DNAJC1: variants seen among roughly 807,000 people sequenced by gnomAD.
DNAJC1 encodes the protein DnaJ heat shock protein family (Hsp40) member C1.
In DNAJC1, 58 loss-of-function variants were observed where a neutral mutation model predicts 76.6. The ratio of observed to expected loss-of-function variants is 0.76; its 90% CI spans 0.61 to 0.94. The LOEUF is 0.94. Among genes scored for constraint, DNAJC1 ranks in the 40% least tolerant of loss-of-function variants. The probability of loss-of-function intolerance (pLI) is 0.00; values close to 1 mark genes in which losing one functional copy is unlikely to be tolerated. For synonymous variants in DNAJC1, 258 were observed against 267.9 expected, an observed-to-expected ratio of 0.96 and a Z score of 0.36; for missense variants, 689 against 677.3, an observed-to-expected ratio of 1.02 and a Z score of -0.19.
chr10:21,982,649 T>A (rs1322836642), intron 1 of DNAJC1, among the ~76,000 whole-genome samples: 1 of 150,938 alleles, frequency 6.6e-6, no homozygotes, highest in African/African-American at 2.4e-5. Context: ...TCAATAACAG[T>A]AGTCACTAGG....
chr10:21,960,969 G>A (rs531479623), intron 1 of DNAJC1, among the ~76,000 whole-genome samples: 1 of 152,306 alleles, frequency 6.6e-6, no homozygotes, highest in East Asian at 1.9e-4. Flanking sequence ...CAATAGCCAT[G>A]AAGTATATGA....
intron 1 of DNAJC1, among the ~76,000 whole-genome samples, chr10:21,995,426 T>C (rs766253657): frequency 6.6e-6 from 1 of 152,234 alleles, no homozygotes; most frequent in African/African-American, 2.4e-5. Flanking sequence ...TTGTATGTAT[T>C]CCAGAATGTG....
intron 8 of DNAJC1, among the ~76,000 whole-genome samples, chr10:21,843,971 A>G (rs1249593259): frequency 6.6e-6 from 1 of 152,152 alleles, no homozygotes; most frequent in Non-Finnish European, 1.5e-5. Context: ...AGTTTCCCCC[A>G]TACTGTTCTC....
intron 11 of DNAJC1, 97 bp from the exon 12 acceptor site, chr10:21,756,852 T>C (rs376592687): frequency 1.9e-5 from 21 of 1,089,878 alleles, no homozygotes; most frequent in East Asian, 9.8e-5. Context: ...ATGAAGAGCC[T>C]CACGTCCAGT....
At chr10:21,905,997 C>T (rs1158151769) in intron 6 of DNAJC1, among the ~76,000 whole-genome samples, 1 of 152,094 alleles carries the variant, frequency 6.6e-6, no homozygotes, top group African/African-American at 2.4e-5. Flanking sequence ...ACCCTAGAAA[C>T]TCTTTTCGTC....
chr10:21,886,316 C>G (rs146175919), intron 7 of DNAJC1, among the ~76,000 whole-genome samples: 13 of 151,992 alleles, frequency 8.6e-5, no homozygotes. Flanking sequence ...CAATAATGAG[C>G]TCCAAAATTG....
chr10:21,972,509 CAG>C (rs1304281201), intron 1 of DNAJC1, among the ~76,000 whole-genome samples: 8 of 151,880 alleles, frequency 5.3e-5, no homozygotes, highest in African/African-American at 1.7e-4. Context: ...TGAAGACAAA[CAG>C]AGTTTGAAGG....
chr10:21,833,195 G>A (rs1008421557), intron 8 of DNAJC1, among the ~76,000 whole-genome samples: 29 of 152,140 alleles, frequency 1.9e-4, no homozygotes, highest in Admixed American at 3.9e-4. Flanking sequence ...GTTCTGGCTG[G>A]GCGCAGTGGC....
intron 9 of DNAJC1, among the ~76,000 whole-genome samples, chr10:21,777,999 C>G (rs1834475286): frequency 6.6e-6 from 1 of 152,104 alleles, no homozygotes. Context: ...ACCAGCCTGG[C>G]CAACATGGTG....
At chr10:21,942,588 C>T (rs552613921) in intron 1 of DNAJC1, among the ~76,000 whole-genome samples, 1 of 151,972 alleles carries the variant, frequency 6.6e-6, no homozygotes, top group African/African-American at 2.4e-5. Flanking sequence ...GGGCAGATCA[C>T]GAGGTAAGGA....
chr10:21,933,600 A>G (rs1009035314), intron 1 of DNAJC1, among the ~76,000 whole-genome samples: 1 of 152,114 alleles, frequency 6.6e-6, no homozygotes, highest in Non-Finnish European at 1.5e-5. Context: ...TGCCCAACTG[A>G]GTGTGGAAGG....
intron 9 of DNAJC1, among the ~76,000 whole-genome samples, chr10:21,780,586 C>T (rs932196911): frequency 5.5e-4 from 84 of 152,304 alleles, no homozygotes; most frequent in Non-Finnish European, 6.8e-4. Flanking sequence ...AAATGAGCTC[C>T]TGAAGGAAGC....
chr10:21,998,733 A>T (rs1210518248), intron 1 of DNAJC1, among the ~76,000 whole-genome samples: 1 of 152,188 alleles, frequency 6.6e-6, no homozygotes, highest in South Asian at 2.1e-4. Context: ...AAATCTAAGG[A>T]TACATGGAAG....
chr10:21,955,695 T>C (rs1837668187), intron 1 of DNAJC1, among the ~76,000 whole-genome samples: 1 of 152,206 alleles, frequency 6.6e-6, no homozygotes, highest in Non-Finnish European at 1.5e-5. Flanking sequence ...TAAAATTTTA[T>C]CAAACAATAT....
intron 6 of DNAJC1, among the ~76,000 whole-genome samples, chr10:21,910,790 C>T (rs547695532): frequency 1.0e-4 from 13 of 125,204 alleles, no homozygotes; most frequent in African/African-American, 4.2e-4. Flanking sequence ...GTAAATTCTG[C>T]ACATGTAGCC....
chr10:21,824,216 C>T (rs1214139296), intron 8 of DNAJC1, among the ~76,000 whole-genome samples: 1 of 152,208 alleles, frequency 6.6e-6, no homozygotes, highest in Non-Finnish European at 1.5e-5. Flanking sequence ...TGAAGGAATA[C>T]TAAAGCTTCC....
At chr10:21,798,017 A>G (rs1834767719) in intron 9 of DNAJC1, among the ~76,000 whole-genome samples, 1 of 152,228 alleles carries the variant, frequency 6.6e-6, no homozygotes, top group Admixed American at 6.5e-5. Flanking sequence ...AAGGTCATGC[A>G]TGTACATAGC....
chr10:21,809,000 T>C (rs758874600), intron 8 of DNAJC1, among the ~76,000 whole-genome samples: 18 of 152,170 alleles, frequency 1.2e-4, no homozygotes, highest in Admixed American at 6.5e-5. Flanking sequence ...CCTCAAAATA[T>C]AGCAACCAAA....
At chr10:21,766,651 C>T (rs1834303108) in intron 9 of DNAJC1, among the ~76,000 whole-genome samples, 1 of 151,830 alleles carries the variant, frequency 6.6e-6, no homozygotes, top group African/African-American at 2.4e-5. Flanking sequence ...GGTACATATG[C>T]ACAACGGGGG....
Sources: allele counts gnomAD v4.1 joint callset (sites outside exome capture counted in the v4.1 genomes callset), GRCh38; gene constraint gnomAD v4.1.1; transcripts MANE v1.5; gene names NCBI Gene and HGNC (gene_info 2026-07-23, HGNC 2026-07-21).